The following DOK6 variants were observed in gnomAD, a reference collection of about 807,000 sequenced individuals.
DOK6 encodes docking protein 6, also known as downstream of tyrosine kinase 6.
In DOK6, 22 loss-of-function variants were observed where a neutral mutation model predicts 44.0. That is an observed-to-expected ratio of 0.50 (90% CI 0.36 to 0.71). The LOEUF is 0.71. DOK6 is among the 30% of genes least tolerant of loss of function. DOK6 has a pLI of 0.00. For missense variants in DOK6, 340 were observed against 416.4 expected (o/e 0.82, Z 1.60); for synonymous variants, 166 against 145.5 (o/e 1.14, Z -1.01).
At chr18:69,811,579 A>ATATAT (rs1981239400) in intron 7 of DOK6, among the ~76,000 whole-genome samples, 3 of 11,030 alleles carry the variant, frequency 2.7e-4, no homozygotes, top group African/African-American at 4.6e-4. Context: ...TATATATATC[A>ATATAT]AAACACTACG....
chr18:69,446,044 T>C (rs1420224776), intron 1 of DOK6, among the ~76,000 whole-genome samples: 1 of 142,010 alleles, frequency 7.0e-6, no homozygotes, highest in African/African-American at 2.7e-5. Context: ...ATTTCTTTTT[T>C]TATTTCCTAA....
intron 3 of DOK6, among the ~76,000 whole-genome samples, chr18:69,658,657 A>G (rs956767080): frequency 6.6e-6 from 1 of 152,204 alleles, no homozygotes; most frequent in African/African-American, 2.4e-5. Context: ...ATCTGCCAGT[A>G]GCAGTTCGCT....
intron 7 of DOK6, among the ~76,000 whole-genome samples, chr18:69,780,843 G>C (rs1980241979): frequency 6.6e-6 from 1 of 152,286 alleles, no homozygotes; most frequent in African/African-American, 2.4e-5. Flanking sequence ...AAGGTACACA[G>C]GATGAAGAAA....
chr18:69,766,208 A>G (rs1029518837), intron 7 of DOK6, among the ~76,000 whole-genome samples: 2 of 152,342 alleles, frequency 1.3e-5, no homozygotes, highest in East Asian at 3.9e-4. Context: ...GGAGCTAAAC[A>G]TTGGTTACAC....
intron 7 of DOK6, among the ~76,000 whole-genome samples, chr18:69,806,130 T>G (rs1218198996): frequency 6.6e-6 from 1 of 151,972 alleles, no homozygotes; most frequent in Non-Finnish European, 1.5e-5. Context: ...GGGATCATTT[T>G]TATTCTTCTA....
At chr18:69,600,964 T>C (rs527431466) in intron 3 of DOK6, among the ~76,000 whole-genome samples, 137 of 152,336 alleles carry the variant, frequency 9.0e-4, no homozygotes, top group African/African-American at 3.1e-3. Context: ...TAGAAAGTCA[T>C]TTAATGCAAT....
chr18:69,761,679 C>A (rs1416341540), intron 7 of DOK6, among the ~76,000 whole-genome samples: 1 of 152,080 alleles, frequency 6.6e-6, no homozygotes, highest in Non-Finnish European at 1.5e-5. Context: ...GAGACAGGGG[C>A]AGGATTTCAC....
rs1015557829 is a variant in DOK6, at chr18:69,844,259, C to T, written c.*2876C>T. 2 of 152,244 alleles carry T rather than the reference C, an allele frequency of 1.3e-5. No individual in the cohort carries two copies. The highest frequency in any genetic ancestry group is 2.4e-5 in the African/African-American group (1 of 41,536). 9.4% of individuals were successfully genotyped at this position (152,244 alleles called of 1,614,324 possible). On this transcript the variant is annotated 3_prime_UTR_variant, in exon 8 of 8. Transcript: ENST00000382713. ...AACCAAAGATATCTTTTGGCTCCTT[C>T]TGAAAGTGACTCAGTTTGAATTCCA...
At chr18:69,520,013 G>A (rs1192129255) in intron 1 of DOK6, among the ~76,000 whole-genome samples, 1 of 151,728 alleles carries the variant, frequency 6.6e-6, no homozygotes, top group Non-Finnish European at 1.5e-5. Context: ...CTGTTAGCCT[G>A]AGCAGCTTGA....
At chr18:69,711,323 CTT>C (rs1051095879) in intron 5 of DOK6, among the ~76,000 whole-genome samples, 1 of 152,198 alleles carries the variant, frequency 6.6e-6, no homozygotes, top group Non-Finnish European at 1.5e-5. Context: ...ATAGTGGAAT[CTT>C]TTAATGACGA....
chr18:69,607,321 A>G (rs1408026520), intron 3 of DOK6, among the ~76,000 whole-genome samples: 1 of 139,276 alleles, frequency 7.2e-6, no homozygotes, highest in Admixed American at 7.3e-5. Flanking sequence ...AAGCCAGCAT[A>G]GTAACATCTG....
intron 3 of DOK6, among the ~76,000 whole-genome samples, chr18:69,650,209 TG>T (rs1456211689): frequency 2.0e-5 from 3 of 152,010 alleles, no homozygotes; most frequent in South Asian, 4.2e-4. Flanking sequence ...AAAAAAAACG[TG>T]GTTGGTTGAT....
intron 1 of DOK6, among the ~76,000 whole-genome samples, chr18:69,401,930 A>T (rs1300273019): frequency 6.6e-6 from 1 of 152,154 alleles, no homozygotes; most frequent in Non-Finnish European, 1.5e-5. Flanking sequence ...CTGCTCCGTG[A>T]CGGCAAAGTT....
chr18:69,648,925 G>A (rs1985151241), intron 3 of DOK6, among the ~76,000 whole-genome samples: 1 of 152,136 alleles, frequency 6.6e-6, no homozygotes, highest in African/African-American at 2.4e-5. Flanking sequence ...AAGAACATGA[G>A]CTGAATCTTA....
intron 1 of DOK6, among the ~76,000 whole-genome samples, chr18:69,534,857 A>AAATTATATAAGACATT (rs1982077967): frequency 6.6e-6 from 1 of 152,174 alleles, no homozygotes; most frequent in Non-Finnish European, 1.5e-5. Context: ...TATAAGACAT[A>AAATTATATAAGACATT]AAATTATTCA....
intron 1 of DOK6, among the ~76,000 whole-genome samples, chr18:69,417,982 A>G (rs890670913): frequency 2.6e-5 from 4 of 152,130 alleles, no homozygotes; most frequent in Non-Finnish European, 4.4e-5. Context: ...ACAGCTTCAC[A>G]TATAATTTTT....
chr18:69,568,351 T>C (rs1475332157), intron 2 of DOK6, among the ~76,000 whole-genome samples: 1 of 152,196 alleles, frequency 6.6e-6, no homozygotes, highest in African/African-American at 2.4e-5. Context: ...ATGCAGGATG[T>C]TTACCTCGGC....
At chr18:69,512,790 C>T (rs899871112) in intron 1 of DOK6, among the ~76,000 whole-genome samples, 4 of 152,076 alleles carry the variant, frequency 2.6e-5, no homozygotes, top group African/African-American at 7.2e-5. Context: ...CTTAGTGCCC[C>T]GTTTAGATAA....
At chr18:69,642,160 C>T (rs1328211945) in intron 3 of DOK6, among the ~76,000 whole-genome samples, 2 of 152,088 alleles carry the variant, frequency 1.3e-5, no homozygotes, top group African/African-American at 2.4e-5. Flanking sequence ...GAAAGTGAGT[C>T]GCAGACATGA....
Sources: gnomAD v4.1 joint callset for allele counts (sites outside exome capture counted in the v4.1 genomes callset) on GRCh38, gnomAD v4.1.1 for gene constraint, MANE v1.5 for transcripts, NCBI Gene and HGNC (gene_info 2026-07-23, HGNC 2026-07-21) for gene names.